Variants in RBFOX1 observed in about 807,000 individuals in gnomAD.
RBFOX1 encodes the protein RNA binding protein fox-1 homolog 1.
In RBFOX1, 8 loss-of-function variants were observed where a neutral mutation model predicts 57.7. The observed-to-expected ratio is 0.14, with a 90% CI of 0.08 to 0.25. RBFOX1 has a LOEUF of 0.25. Among genes scored for constraint, RBFOX1 ranks in the 10% least tolerant of loss-of-function variants. The pLI is 1.00. For synonymous variants in RBFOX1, 326 were observed against 222.4 expected (o/e 1.47, Z -4.15); for missense variants, 611 against 548.5 (o/e 1.11, Z -1.14).
rs531043626 is a variant in RBFOX1 at position 7,105,025 on chromosome 16, C to A, written c.27+52927C>A. ...TTTCTTTGATTCAGTCACAGAAAAG[C>A]CCTTCTTGGCACCTACAGATCTCCA... is the stretch of plus-strand genomic sequence containing the variant. On this transcript the variant is annotated intron_variant, in intron 4 of 15. Transcript: ENST00000550418. 5.5e-4 allele frequency among the ~76,000 whole-genome samples: 84 copies of A among 151,876 alleles called. 2 individuals carry two copies. The South Asian group carries it at 0.017, about 31-fold the overall frequency.
chr16:6,982,405 C>G (rs946934808), intron 3 of RBFOX1, among the ~76,000 whole-genome samples: 2 of 152,146 alleles, frequency 1.3e-5, no homozygotes, highest in African/African-American at 4.8e-5. Flanking sequence ...AGAGTCAGGG[C>G]TCTGATCCTG....
intron 4 of RBFOX1, among the ~76,000 whole-genome samples, chr16:7,329,469 A>G (rs192078091): frequency 1.2e-4 from 19 of 152,352 alleles, no homozygotes; most frequent in Non-Finnish European, 1.8e-4. Flanking sequence ...AGGCTCCAAG[A>G]AGGAAGAATC....
At chr16:6,385,810 C>G (rs966523053) in intron 2 of RBFOX1, among the ~76,000 whole-genome samples, 1 of 152,218 alleles carries the variant, frequency 6.6e-6, no homozygotes. Flanking sequence ...TGTGAATTAT[C>G]AGATTCTAGT....
At chr16:5,366,511 A>G (rs2065719661) in intron 1 of RBFOX1, 2 of 433,176 alleles carry the variant, frequency 4.6e-6, no homozygotes, top group Non-Finnish European at 8.8e-6. Context: ...AAAAACTGCT[A>G]AAACACCGAA....
At chr16:5,692,022 ATT>A (rs71142643) in intron 3 of RBFOX1, among the ~76,000 whole-genome samples, 11 of 151,762 alleles carry the variant, frequency 7.2e-5, no homozygotes, top group Admixed American at 5.9e-4. Flanking sequence ...CTCTTTTTTT[ATT>A]TTTTTTTGCC....
intron 4 of RBFOX1, among the ~76,000 whole-genome samples, chr16:7,222,672 T>C (rs2092816824): frequency 6.6e-6 from 1 of 152,198 alleles, no homozygotes; most frequent in Admixed American, 6.5e-5. Context: ...TTGTTCCTTA[T>C]AAGGTTGTCG....
chr16:6,680,264 TTCTCTC>T (rs201442990), intron 3 of RBFOX1, among the ~76,000 whole-genome samples: 115 of 128,296 alleles, frequency 9.0e-4, no homozygotes, highest in Admixed American at 2.8e-3. Context: ...TGCTTTGCTT[TTCTCTC>T]TCTCTTTTTT....
rs147454337 is a variant in RBFOX1 at position 6,457,837 on chromosome 16, C to T, written c.-64+140780C>T. Among the ~76,000 whole-genome samples the T allele has an allele frequency of 7.4e-3, 1,127 of 152,156 alleles. 5 individuals are homozygous for T. The highest frequency in any genetic ancestry group is 9.9e-3 in the African/African-American group (411 of 41,516). On this transcript the variant is annotated intron_variant, in intron 2 of 15. Transcript: ENST00000550418. ...GTTACAAATGGAGTTGTAAATTCAGCGCCTTGGAATAAAAAGTGGCTATTA... is the reference window on the plus strand; with the variant it reads ...GTTACAAATGGAGTTGTAAATTCAGTGCCTTGGAATAAAAAGTGGCTATTA...
intron 3 of RBFOX1, among the ~76,000 whole-genome samples, chr16:5,852,613 A>T (rs970137460): frequency 6.6e-6 from 1 of 152,108 alleles, no homozygotes; most frequent in East Asian, 1.9e-4. Context: ...TGATCAACCA[A>T]TGCTTGATGC....
rs186696279 is a variant in RBFOX1, at chr16:6,126,600, G to T, written c.-127+106608G>T. 2.1e-3 allele frequency among the ~76,000 whole-genome samples: 322 copies of T among 152,256 alleles called. 2 individuals are homozygous for T. Among genetic ancestry groups the T allele is most frequent in the Middle Eastern group, 0.01 (3 of 294 alleles). ...CTGTAATCCAAGTCAGCATTTATGT[G>T]CATGCTACCAGGTCAGGTATGATGG... On this transcript the variant is annotated intron_variant, in intron 1 of 15. Transcript: ENST00000550418.
chr16:6,964,503 C>G (rs926195225), intron 3 of RBFOX1, among the ~76,000 whole-genome samples: 2 of 152,092 alleles, frequency 1.3e-5, no homozygotes, highest in South Asian at 2.1e-4. Context: ...ACAAATTGCA[C>G]CTCTGGTAGG....
At chr16:6,807,135 CT>C (rs1393151131) in intron 3 of RBFOX1, among the ~76,000 whole-genome samples, 1 of 151,648 alleles carries the variant, frequency 6.6e-6, no homozygotes, top group Non-Finnish European at 1.5e-5. Flanking sequence ...TGCCCAGCCT[CT>C]TTTTTTCCTT....
chr16:6,025,409 G>A (rs530690638), intron 1 of RBFOX1, among the ~76,000 whole-genome samples: 2 of 152,198 alleles, frequency 1.3e-5, no homozygotes, highest in Non-Finnish European at 2.9e-5. Flanking sequence ...CTTTGTGTGA[G>A]GGTGGAAGAC....
At chr16:7,686,146 G>A (rs371028535) in intron 14 of RBFOX1, among the ~76,000 whole-genome samples, 3 of 151,814 alleles carry the variant, frequency 2.0e-5, no homozygotes, top group African/African-American at 7.3e-5. Context: ...AGCAGCAGCA[G>A]CATCACTGAA....
chr16:5,952,269 G>A (rs918162375), intron 4 of RBFOX1, among the ~76,000 whole-genome samples: 1 of 151,750 alleles, frequency 6.6e-6, no homozygotes, highest in African/African-American at 2.4e-5. Flanking sequence ...TCCTGCCTCA[G>A]CCTCCTGAGT....
At chr16:6,233,034 A>C (rs542636569) in intron 1 of RBFOX1, among the ~76,000 whole-genome samples, 2 of 152,240 alleles carry the variant, frequency 1.3e-5, no homozygotes, top group East Asian at 3.9e-4. Context: ...TCTGCTCATC[A>C]CTATGTAGGC....
chr16:5,914,389 C>G (rs1017297255), intron 4 of RBFOX1, among the ~76,000 whole-genome samples: 16 of 152,146 alleles, frequency 1.1e-4, no homozygotes, highest in Non-Finnish European at 1.9e-4. Flanking sequence ...TGCTGTCAGC[C>G]AGGGCTGCAG....
Position 6,222,921 on chromosome 16 carries a change from A to G in RBFOX1, c.-126-94074A>G, listed in dbSNP as rs535868275. ...TGTGTCCATGTGTTCTCATTGTTCAATTCCCATCTATGAGTGAGAACATGC... is the reference window on the plus strand; with the variant it reads ...TGTGTCCATGTGTTCTCATTGTTCAGTTCCCATCTATGAGTGAGAACATGC... On this transcript the variant is annotated intron_variant, in intron 1 of 15. Transcript: ENST00000550418. 8.5e-4 allele frequency among the ~76,000 whole-genome samples: 129 copies of G among 151,812 alleles called. 2 individuals carry two copies. In the South Asian group the frequency reaches 0.025, roughly 29 times the overall value.
chr16:7,607,444 T>C (rs1596396852), intron 10 of RBFOX1, 106 bp downstream of exon 10: 1 of 1,023,754 alleles, frequency 9.8e-7, no homozygotes, highest in East Asian at 2.4e-5. Context: ...AGTGAATTCC[T>C]ATCCTAACAA....
Sources: allele counts gnomAD v4.1 joint callset (sites outside exome capture counted in the v4.1 genomes callset), GRCh38; gene constraint gnomAD v4.1.1; transcripts MANE v1.5; gene names NCBI Gene and HGNC (gene_info 2026-07-23, HGNC 2026-07-21).